Variants in CTPS2 observed in about 807,000 individuals in gnomAD.
CTPS2 encodes the protein CTP synthase 2.
In CTPS2, 19 loss-of-function variants were observed where a neutral mutation model predicts 46.8. The ratio of observed to expected loss-of-function variants is 0.41; its 90% CI spans 0.28 to 0.60. The LOEUF (loss-of-function observed/expected upper bound fraction) is 0.60. Ranked by LOEUF, CTPS2 falls within the 20% of genes least tolerant of loss-of-function variation. The pLI is 0.35. For synonymous variants in CTPS2, 151 were observed against 165.2 expected (o/e 0.91, Z 0.66); for missense variants, 286 against 447.6 (o/e 0.64, Z 3.26).
chrX:16,657,402 G>A (rs755871342), intron 13 of CTPS2, among the ~76,000 whole-genome samples: 29 of 109,858 alleles, frequency 2.6e-4, no homozygotes, highest in Non-Finnish European at 4.7e-4. Context: ...GAGAAGTACC[G>A]GTTGATGTAA....
intron 14 of CTPS2, chrX:16,638,738 T>A: frequency 3.1e-6 from 1 of 317,974 alleles, no homozygotes; most frequent in East Asian, 8.2e-5. Flanking sequence ...TGTGAGTCAC[T>A]AAGACCAGGC....
chrX:16,708,649 A>C (rs1001005960), intron 1 of CTPS2, among the ~76,000 whole-genome samples: 1 of 111,475 alleles, frequency 9.0e-6, no homozygotes, highest in Admixed American at 9.7e-5. Context: ...GACAAGGTCT[A>C]TGTTCCACTG....
intron 4 of CTPS2, among the ~76,000 whole-genome samples, chrX:16,697,691 C>A (rs1924230373): frequency 1.8e-5 from 2 of 110,400 alleles, no homozygotes; most frequent in Admixed American, 2.0e-4. Flanking sequence ...AATCCTCCCA[C>A]CCTGGCATCT....
At chrX:16,625,916 G>A (rs144569635) in intron 14 of CTPS2, among the ~76,000 whole-genome samples, 2,383 of 111,205 alleles carry the variant, frequency 0.021, 36 homozygotes, top group Non-Finnish European at 0.03. Context: ...AGGATAGGGG[G>A]CATGGCGGGC....
intron 13 of CTPS2, among the ~76,000 whole-genome samples, chrX:16,664,511 G>A (rs6632862): frequency 0.42 from 46,106 of 110,325 alleles, 7,088 homozygotes; most frequent in African/African-American, 0.48. Flanking sequence ...AGTGTTAAGC[G>A]AAAAATGCAA....
intron 14 of CTPS2, chrX:16,638,604 C>A: frequency 6.5e-6 from 1 of 152,698 alleles, no homozygotes. Context: ...TAGAATTAAC[C>A]TTATGGGGAG....
intron 1 of CTPS2, among the ~76,000 whole-genome samples, chrX:16,709,615 C>T (rs1397470670): frequency 9.1e-6 from 1 of 110,223 alleles, no homozygotes. Flanking sequence ...CTTTGGGAGG[C>T]CAAGGCGGGC....
intron 8 of CTPS2, among the ~76,000 whole-genome samples, chrX:16,687,008 A>G (rs912820962): frequency 2.7e-5 from 3 of 111,704 alleles, no homozygotes; most frequent in Non-Finnish European, 5.6e-5. Context: ...ACCAGAAGCC[A>G]GGAGAAGGGG....
chrX:16,631,115 G>A (rs775735181), intron 14 of CTPS2, among the ~76,000 whole-genome samples: 1 of 111,906 alleles, frequency 8.9e-6, no homozygotes, highest in South Asian at 3.7e-4. Context: ...TCAGGAGGCC[G>A]AGGCGGGTGG....
intron 13 of CTPS2, among the ~76,000 whole-genome samples, chrX:16,648,876 T>A (rs1932460001): frequency 8.9e-6 from 1 of 112,151 alleles, no homozygotes; most frequent in Non-Finnish European, 1.9e-5. Flanking sequence ...CTGAGAAACA[T>A]CAGGGAGAAA....
At position 16,606,079 on chromosome X, in the gene CTPS2, G is replaced by A. The variant is rs754554261; in HGVS notation, c.1691+3462C>T. Among the ~76,000 whole-genome samples, 3 of 112,383 alleles carry A rather than the reference G, an allele frequency of 2.7e-5. No homozygotes were observed. In the East Asian group the frequency reaches 8.4e-4, roughly 31 times the overall value. On this transcript the variant is annotated intron_variant, in intron 17 of 18. Coordinates refer to ENST00000359276, the MANE Select transcript of CTPS2 (RefSeq NM_175859.3). ...ATAAATATTCTCCGCTAGGCAGAAT[G>A]CGGAGGTTACACCTCAGGTACGCTT... is the stretch of plus-strand genomic sequence containing the variant.
chrX:16,690,872 C>T (rs1923636233), intron 7 of CTPS2, among the ~76,000 whole-genome samples: 1 of 112,459 alleles, frequency 8.9e-6, no homozygotes, highest in African/African-American at 3.2e-5. Context: ...CGAATGTCAA[C>T]GTGCTCGTGT....
intron 17 of CTPS2, among the ~76,000 whole-genome samples, chrX:16,604,642 CAAAAAAAA>C (rs1391412669): frequency 1.8e-5 from 1 of 56,742 alleles, no homozygotes; most frequent in Admixed American, 2.0e-4. Context: ...GCCTGAGAAA[CAAAAAAAA>C]AAAAAAAGGA....
chrX:16,706,381 C>T (rs777711500), intron 1 of CTPS2, among the ~76,000 whole-genome samples: 3 of 111,077 alleles, frequency 2.7e-5, no homozygotes, highest in Non-Finnish European at 5.7e-5. Flanking sequence ...CCAGATCGTG[C>T]CACTGCACTC....
intron 17 of CTPS2, among the ~76,000 whole-genome samples, chrX:16,593,938 C>T (rs1034388559): frequency 5.4e-5 from 6 of 111,038 alleles, no homozygotes; most frequent in African/African-American, 2.0e-4. Context: ...ATGCACTCTC[C>T]CTGCTCAAAT....
rs1928726989 is a variant in CTPS2 at position 16,588,457 on chromosome X, C to T, written c.*1360G>A. 1 of 111,367 alleles carries T rather than the reference C, an allele frequency of 9.0e-6. No homozygotes were observed. Among genetic ancestry groups the T allele is most frequent in the South Asian group, 3.8e-4 (1 of 2,613 alleles). The allele number at this position is 111,367 out of a possible 1,213,427, so 9.2% of individuals were successfully genotyped here. On this transcript the variant is annotated 3_prime_UTR_variant, in exon 19 of 19. Transcript: ENST00000359276. ...CATTTTCTTTGTATGACTAAAGCCT[C>T]GAGGTTAGCAGGTATGGTGTCAATG...
chrX:16,702,363 G>A (rs751267487), intron 2 of CTPS2, among the ~76,000 whole-genome samples: 1 of 112,179 alleles, frequency 8.9e-6, no homozygotes, highest in East Asian at 2.8e-4. Context: ...CTTATAAAAA[G>A]TTTTTTAAAA....
chrX:16,698,965 T>G lies in CTPS2; in HGVS notation c.295A>C (p.Asn99His), dbSNP rs752670958. The change falls in exon 3 of 19, where the codon AAT (asparagine) becomes CAT (histidine). Residue 99 changes from asparagine to histidine, a missense_variant. Asn to His is a moderately conservative substitution (Grantham distance 68). Transcript: ENST00000359276. ...TTGKIYQHVI[N>H]KERRGDYLGK... is the part of the protein sequence containing the mutation. ...AGGTAATCACCACGCCTCTCTTTAT[T>G]GATCACATGCTGATATATCTTCCCC... 11 of 1,202,182 alleles carry G rather than the reference T, an allele frequency of 9.2e-6. No homozygotes were observed. The South Asian group carries it at 1.8e-4, about 20-fold the overall frequency.
chrX:16,606,583 G>A (rs147139854), intron 17 of CTPS2, among the ~76,000 whole-genome samples: 1,937 of 111,704 alleles, frequency 0.017, 56 homozygotes, highest in African/African-American at 0.06. Context: ...CTTAAGGAAT[G>A]TACCAATTTG....
Sources: allele counts gnomAD v4.1 joint callset (sites outside exome capture counted in the v4.1 genomes callset), GRCh38; gene constraint gnomAD v4.1.1; transcripts MANE v1.5; gene names NCBI Gene and HGNC (gene_info 2026-07-23, HGNC 2026-07-21).